The following CADPS variants were observed in gnomAD, a reference collection of about 807,000 sequenced individuals.
The protein encoded by CADPS is calcium dependent secretion activator, also known as calcium-dependent secretion activator 1.
Under a neutral mutation model 167.3 loss-of-function variants are expected in CADPS, and 57 were observed. The observed-to-expected ratio is 0.34, with a 90% CI of 0.28 to 0.42. CADPS has a LOEUF of 0.42. Ranked by LOEUF, CADPS falls within the 20% of genes least tolerant of loss-of-function variation. The probability of loss-of-function intolerance (pLI) is 1.00; values close to 1 mark genes in which losing one functional copy is unlikely to be tolerated. For missense variants in CADPS, 1,414 were observed against 1,738.1 expected (o/e 0.81, Z 3.32); for synonymous variants, 676 against 635.3 (o/e 1.06, Z -0.96).
intron 4 of CADPS, among the ~76,000 whole-genome samples, chr3:62,652,402 A>C (rs1451417650): frequency 3.1e-4 from 7 of 22,304 alleles, no homozygotes; most frequent in African/African-American, 1.4e-3. Flanking sequence ...GTGTGGCCAA[A>C]AAAAAAAAAA....
chr3:62,604,753 G>T (rs1177141685), intron 6 of CADPS, among the ~76,000 whole-genome samples: 1 of 152,204 alleles, frequency 6.6e-6, no homozygotes, highest in African/African-American at 2.4e-5. Flanking sequence ...TGTCTTCCCA[G>T]TCTAAGGCTC....
intron 3 of CADPS, among the ~76,000 whole-genome samples, chr3:62,687,734 A>ATTTT (rs201429638): frequency 0.059 from 7,554 of 127,638 alleles, 309 homozygotes; most frequent in Non-Finnish European, 0.093. Context: ...TTCCCTTCGC[A>ATTTT]TTTTTTTTTT....
intron 13 of CADPS, among the ~76,000 whole-genome samples, chr3:62,521,156 A>G (rs2151776666): frequency 6.6e-6 from 1 of 152,250 alleles, no homozygotes; most frequent in Non-Finnish European, 1.5e-5. Context: ...TGCATTTCTA[A>G]CAAGTTTACT....
chr3:62,530,766 G>C (rs1365344744), intron 13 of CADPS: 1 of 1,288,158 alleles, frequency 7.8e-7, no homozygotes, highest in East Asian at 5.6e-5. Context: ...CTCCCTTCAG[G>C]GTCTGTATTT....
chr3:62,555,616 A>G (rs1371824275), intron 10 of CADPS, among the ~76,000 whole-genome samples: 1 of 152,212 alleles, frequency 6.6e-6, no homozygotes, highest in Non-Finnish European at 1.5e-5. Context: ...AGGGCTAAAT[A>G]CAATCACATG....
chr3:62,494,590 A>C (rs2064317582), intron 18 of CADPS, among the ~76,000 whole-genome samples: 1 of 152,086 alleles, frequency 6.6e-6, no homozygotes, highest in South Asian at 2.1e-4. Context: ...AACAAAACAA[A>C]ACAAAACAAA....
intron 1 of CADPS, among the ~76,000 whole-genome samples, chr3:62,790,459 T>C (rs1161767603): frequency 6.6e-6 from 1 of 152,184 alleles, no homozygotes; most frequent in Non-Finnish European, 1.5e-5. Context: ...AATGTCTCCA[T>C]ATATATTTTG....
chr3:62,420,395 G>C lies in CADPS; in HGVS notation c.3778-17210C>G, dbSNP rs1055639146. ...TAGGAGCTGGATATGGCATTGAGTG[G>C]TTTCCAAAAAGCAGTCAACATACAA... On this transcript the variant is annotated intron_variant, in intron 28 of 29. Coordinates refer to ENST00000383710, the MANE Select transcript of CADPS (RefSeq NM_003716.4). The surrounding 1 kb of genome is among the most constrained non-coding windows in gnomAD (Gnocchi z 4.1). Among the ~76,000 whole-genome samples the C allele has an allele frequency of 2.6e-5, 4 of 152,186 alleles. No homozygotes were observed. Among genetic ancestry groups the C allele is most frequent in the African/African-American group, 9.7e-5 (4 of 41,450 alleles).
intron 8 of CADPS, among the ~76,000 whole-genome samples, chr3:62,582,995 C>T (rs1208566428): frequency 6.6e-6 from 1 of 152,122 alleles, no homozygotes; most frequent in Non-Finnish European, 1.5e-5. Context: ...GTAAGTGACA[C>T]AATAAAACTC....
intron 13 of CADPS, among the ~76,000 whole-genome samples, chr3:62,530,490 C>T (rs1577289845): frequency 6.6e-6 from 1 of 151,806 alleles, no homozygotes; most frequent in South Asian, 2.1e-4. Context: ...GGTATTTTTG[C>T]CCATTGCTAG....
chr3:62,541,688 A>G (rs139122643), intron 11 of CADPS, among the ~76,000 whole-genome samples: 1 of 152,242 alleles, frequency 6.6e-6, no homozygotes, highest in African/African-American at 2.4e-5. Flanking sequence ...CATTTAATCT[A>G]CTTTATTAAA....
intron 5 of CADPS, among the ~76,000 whole-genome samples, chr3:62,647,972 C>A (rs548980223): frequency 1.3e-5 from 2 of 152,318 alleles, no homozygotes; most frequent in East Asian, 3.9e-4. Context: ...CAAGGCCTGG[C>A]TACTGGGCAC....
chr3:62,644,735 A>T (rs2068157454), intron 6 of CADPS, among the ~76,000 whole-genome samples: 2 of 152,126 alleles, frequency 1.3e-5, no homozygotes, highest in Admixed American at 6.6e-5. Context: ...CTCTCCACCC[A>T]TCCCCACTCC....
chr3:62,782,955 T>C (rs1211569220), intron 1 of CADPS, among the ~76,000 whole-genome samples: 2 of 152,098 alleles, frequency 1.3e-5, no homozygotes, highest in Non-Finnish European at 2.9e-5. Context: ...AGATGGGGTT[T>C]TGCCATGTTG....
chr3:62,606,455 T>A (rs927322619), intron 6 of CADPS, among the ~76,000 whole-genome samples: 1 of 152,234 alleles, frequency 6.6e-6, no homozygotes, highest in African/African-American at 2.4e-5. Context: ...TGCCATGGGA[T>A]GACTTGTGCC....
At chr3:62,729,291 T>A (rs2077309805) in intron 3 of CADPS, among the ~76,000 whole-genome samples, 1 of 151,896 alleles carries the variant, frequency 6.6e-6, no homozygotes. Flanking sequence ...TAAGGGCTTC[T>A]TCCAAATGCT....
rs17066534 is a variant in CADPS, at chr3:62,537,028, T to C, written c.1967-447A>G. Among the ~76,000 whole-genome samples, 356 of 152,308 alleles carry C rather than the reference T, an allele frequency of 2.3e-3. 1 individual carries two copies. Among genetic ancestry groups the C allele is most frequent in the African/African-American group, 8.2e-3 (340 of 41,580 alleles). ...TTGGGATTATCTGGAAAAAGGGTTA[T>C]GCTGATTTTCAGCAAAGTGACAATA... On this transcript the variant is annotated intron_variant, in intron 11 of 29. Coordinates refer to ENST00000383710, the MANE Select transcript of CADPS (RefSeq NM_003716.4).
chr3:62,478,882 G>A lies in CADPS; in HGVS notation c.3174-466C>T, dbSNP rs563747981. Among the ~76,000 whole-genome samples the A allele has an allele frequency of 7.9e-5, 12 of 152,286 alleles. No individual in the cohort carries two copies. The highest frequency in any genetic ancestry group is 5.8e-4 in the East Asian group (3 of 5,180). ...TCTTGGAGATTGCACAAGACTTTTC[G>A]TTTTCAAAGGACAGTGCTAACAAAG... On this transcript the variant is annotated intron_variant, in intron 22 of 29. Transcript: ENST00000383710. The surrounding 1 kb of genome is among the most constrained non-coding windows in gnomAD (Gnocchi z 5.7).
At chr3:62,551,797 A>G (rs914273648) in intron 10 of CADPS, among the ~76,000 whole-genome samples, 4 of 151,980 alleles carry the variant, frequency 2.6e-5, no homozygotes, top group African/African-American at 9.7e-5. Flanking sequence ...CTGTGCCTGG[A>G]GCACTCTTTT....
Sources: gnomAD v4.1 joint callset for allele counts (sites outside exome capture counted in the v4.1 genomes callset) on GRCh38, gnomAD v4.1.1 for gene constraint, Gnocchi (gnomAD v3.1) non-coding constraint, MANE v1.5 for transcripts, NCBI Gene and HGNC (gene_info 2026-07-23, HGNC 2026-07-21) for gene names.